The following CELF4 variants were observed in gnomAD, a reference collection of about 807,000 sequenced individuals.
CELF4 encodes CUG-BP- and ETR-3-like factor 4.
CELF4 carries 18 observed loss-of-function variants against 59.9 expected under a neutral mutation model. The observed-to-expected ratio is 0.30, with a 90% CI of 0.21 to 0.45. The LOEUF is 0.45. Among genes scored for constraint, CELF4 ranks in the 20% least tolerant of loss-of-function variants. The pLI, the probability that CELF4 is intolerant of heterozygous loss-of-function variation, is 1.00. For synonymous variants in CELF4, 261 were observed against 267.1 expected (o/e 0.98, Z 0.22); for missense variants, 456 against 689.0 (o/e 0.66, Z 3.79).
At chr18:37,265,303 GTA>G (rs1257879150) in intron 9 of CELF4, among the ~76,000 whole-genome samples, 2 of 152,202 alleles carry the variant, frequency 1.3e-5, no homozygotes, top group Non-Finnish European at 2.9e-5. Context: ...GTGTGTGTGT[GTA>G]TGTTTTGGGG....
intron 2 of CELF4, among the ~76,000 whole-genome samples, chr18:37,433,319 G>A (rs1255777996): frequency 1.3e-5 from 2 of 152,104 alleles, no homozygotes; most frequent in African/African-American, 2.4e-5. Context: ...GGTTAAAGGT[G>A]GCCTGGGGAC....
At chr18:37,353,233 AAT>A (rs1557327923) in intron 2 of CELF4, among the ~76,000 whole-genome samples, 18 of 106,980 alleles carry the variant, frequency 1.7e-4, no homozygotes, top group African/African-American at 5.3e-4. Context: ...AAAAAAAAAA[AAT>A]ATATATATAT....
chr18:37,338,080 T>C (rs976372580), intron 2 of CELF4, among the ~76,000 whole-genome samples: 14 of 126,604 alleles, frequency 1.1e-4, no homozygotes, highest in Non-Finnish European at 8.2e-5. Flanking sequence ...ACTGACACCA[T>C]TGTCACCACT....
intron 2 of CELF4, 60 bp from the exon 3 acceptor site, chr18:37,321,941 C>T (rs1490264235): frequency 7.1e-7 from 1 of 1,414,718 alleles, no homozygotes; most frequent in East Asian, 2.3e-5. Flanking sequence ...GGACAGACAC[C>T]CAGCACTCAG....
chr18:37,414,852 TC>T (rs900461432), intron 2 of CELF4, among the ~76,000 whole-genome samples: 2 of 152,012 alleles, frequency 1.3e-5, no homozygotes, highest in Non-Finnish European at 2.9e-5. Flanking sequence ...CATCCACTCA[TC>T]CATCTACCCA....
At chr18:37,355,051 A>G (rs866899914) in intron 2 of CELF4, among the ~76,000 whole-genome samples, 8 of 152,288 alleles carry the variant, frequency 5.3e-5, no homozygotes, top group Non-Finnish European at 1.0e-4. Flanking sequence ...ATGTGTGTAT[A>G]TGTGTACACG....
intron 1 of CELF4, among the ~76,000 whole-genome samples, chr18:37,548,222 C>T (rs2099982061): frequency 6.6e-6 from 1 of 152,074 alleles, no homozygotes; most frequent in Non-Finnish European, 1.5e-5. Context: ...AGTAATGTCC[C>T]AGGGCTTCAG....
chr18:37,403,455 A>C (rs921151746), intron 2 of CELF4, among the ~76,000 whole-genome samples: 1 of 151,836 alleles, frequency 6.6e-6, no homozygotes, highest in Non-Finnish European at 1.5e-5. Flanking sequence ...TCCTCCAGTC[A>C]CACAAGGCCC....
intron 2 of CELF4, among the ~76,000 whole-genome samples, chr18:37,330,083 T>G (rs2097483947): frequency 6.6e-6 from 1 of 152,228 alleles, no homozygotes; most frequent in Non-Finnish European, 1.5e-5. Flanking sequence ...AAAAGCCTGG[T>G]GATGCAACCA....
At chr18:37,263,365 C>T (rs2075862073) in intron 10 of CELF4, among the ~76,000 whole-genome samples, 1 of 152,154 alleles carries the variant, frequency 6.6e-6, no homozygotes, top group Non-Finnish European at 1.5e-5. Flanking sequence ...TCTTGAGGCT[C>T]TTTCCAGGAC....
chr18:37,295,692 A>T (rs559856570), intron 3 of CELF4, among the ~76,000 whole-genome samples: 1 of 152,372 alleles, frequency 6.6e-6, no homozygotes, highest in African/African-American at 2.4e-5. Context: ...ACAGTTAGTA[A>T]TGGGTAGAAT....
intron 3 of CELF4, among the ~76,000 whole-genome samples, chr18:37,288,756 G>A (rs2095062759): frequency 6.6e-6 from 1 of 152,152 alleles, no homozygotes; most frequent in Admixed American, 6.5e-5. Context: ...AGATTGTGAG[G>A]GGGAGAGTTT....
intron 2 of CELF4, among the ~76,000 whole-genome samples, chr18:37,422,821 A>G (rs1187755606): frequency 6.6e-6 from 1 of 152,196 alleles, no homozygotes; most frequent in African/African-American, 2.4e-5. Context: ...TGATTTCTCA[A>G]TGAAAAGGCT....
chr18:37,436,208 G>A (rs1212541148), intron 2 of CELF4, among the ~76,000 whole-genome samples: 2 of 152,196 alleles, frequency 1.3e-5, no homozygotes, highest in African/African-American at 2.4e-5. Context: ...AGAGAAGAGC[G>A]TGGCTCAACT....
chr18:37,445,175 G>A (rs1459823560), intron 2 of CELF4, among the ~76,000 whole-genome samples: 1 of 152,168 alleles, frequency 6.6e-6, no homozygotes, highest in African/African-American at 2.4e-5. Context: ...AAAGGCTGGC[G>A]AGAGACTAGG....
chr18:37,369,248 G>T (rs183358948), intron 2 of CELF4, among the ~76,000 whole-genome samples: 2 of 152,056 alleles, frequency 1.3e-5, no homozygotes, highest in South Asian at 2.1e-4. Flanking sequence ...AGTGTATGGT[G>T]GGGGGGTGGG....
At chr18:37,454,673 A>G (rs965077787) in intron 2 of CELF4, among the ~76,000 whole-genome samples, 1 of 152,224 alleles carries the variant, frequency 6.6e-6, no homozygotes, top group African/African-American at 2.4e-5. Context: ...ATCAGGAAAA[A>G]GAGTCCGCCT....
chr18:37,542,642 C>A (rs1304174453), intron 1 of CELF4, among the ~76,000 whole-genome samples: 1 of 152,178 alleles, frequency 6.6e-6, no homozygotes, highest in East Asian at 1.9e-4. Context: ...AATGAGATAG[C>A]ACATTAGAGC....
intron 3 of CELF4, among the ~76,000 whole-genome samples, chr18:37,283,506 A>G (rs2094393770): frequency 1.3e-5 from 2 of 152,206 alleles, no homozygotes; most frequent in African/African-American, 2.4e-5. Context: ...AGCAAGGTCC[A>G]ATTCCTAAAT....
Sources: gnomAD v4.1 joint callset for allele counts (sites outside exome capture counted in the v4.1 genomes callset) on GRCh38, gnomAD v4.1.1 for gene constraint, MANE v1.5 for transcripts, NCBI Gene and HGNC (gene_info 2026-07-23, HGNC 2026-07-21) for gene names.